Variants in PAM observed in about 807,000 individuals in gnomAD.
PAM encodes peptidyl-glycine alpha-amidating monooxygenase.
In PAM, 72 loss-of-function variants were observed where a neutral mutation model predicts 122.1. The ratio of observed to expected loss-of-function variants is 0.59; its 90% CI spans 0.49 to 0.72. PAM has a LOEUF of 0.72. PAM is among the 30% of genes least tolerant of loss of function. The pLI, the probability that PAM is intolerant of heterozygous loss-of-function variation, is 0.00. For missense variants in PAM, 1,106 were observed against 1,183.7 expected (o/e 0.93, Z 0.96); for synonymous variants, 389 against 404.4 (o/e 0.96, Z 0.46).
intron 3 of PAM, chr5:102,895,792 T>G (rs953833661): frequency 2.6e-5 from 4 of 151,744 alleles, no homozygotes; most frequent in Non-Finnish European, 5.9e-5. Flanking sequence ...TTTGCTGTTC[T>G]GAAGTGTCCA....
intron 1 of PAM, among the ~76,000 whole-genome samples, chr5:102,825,242 T>A (rs1773242096): frequency 6.6e-6 from 1 of 152,236 alleles, no homozygotes; most frequent in Non-Finnish European, 1.5e-5. Context: ...AAAACTTGGA[T>A]AATGGATCTC....
chr5:102,799,395 T>C (rs1764134023), intron 1 of PAM, among the ~76,000 whole-genome samples: 1 of 152,146 alleles, frequency 6.6e-6, no homozygotes, highest in Non-Finnish European at 1.5e-5. Flanking sequence ...GTTAGGGAGA[T>C]ACAAAAAAGG....
At chr5:102,816,301 C>G (rs1337512891) in intron 1 of PAM, among the ~76,000 whole-genome samples, 1 of 152,126 alleles carries the variant, frequency 6.6e-6, no homozygotes, top group Non-Finnish European at 1.5e-5. Flanking sequence ...ACAAAAGCAG[C>G]ATTGGGCTCA....
At chr5:102,855,621 AC>A (rs998565841) in intron 1 of PAM, among the ~76,000 whole-genome samples, 40 of 152,068 alleles carry the variant, frequency 2.6e-4, no homozygotes, top group Non-Finnish European at 1.0e-4. Flanking sequence ...TGTAGTTAAT[AC>A]CTCCTGCCTC....
In PAM at chr5:102,947,023, A is replaced by T. The variant is rs561145345; in HGVS notation, c.575+138A>T. Reference sequence around the variant, plus strand: ...TAAAACAACAAATATGTATTGTCTCATTTTCCTGTATGTCAGTAATTGGGC... The same window carrying T: ...TAAAACAACAAATATGTATTGTCTCTTTTTCCTGTATGTCAGTAATTGGGC... On this transcript the variant is annotated intron_variant, in intron 8 of 25. Coordinates refer to ENST00000438793, the MANE Select transcript of PAM (RefSeq NM_001177306.2). 5.6e-4 allele frequency: 388 copies of T among 692,302 alleles called. 2 individuals are homozygous for T. The highest frequency in any genetic ancestry group is 5.1e-3 in the South Asian group (331 of 64,348). 42.9% of individuals were successfully genotyped at this position (692,302 alleles called of 1,614,324 possible).
Position 103,025,330 on chromosome 5 carries a change from T to G in PAM, c.2685T>G (p.Phe895Leu). 1 of 1,613,176 alleles carries G rather than the reference T, an allele frequency of 6.2e-7. No individual in the cohort carries two copies. The highest frequency in any genetic ancestry group is 8.5e-7 in the Non-Finnish European group (1 of 1,179,256). ...IFIRWKKSRA[F>L]GDSEHKLETS... ...TTCGGTGGAAAAAATCAAGGGCCTTTGGAGGCAAGTAAAATGAGCCCCGTG... is the reference window on the plus strand; with the variant it reads ...TTCGGTGGAAAAAATCAAGGGCCTTGGGAGGCAAGTAAAATGAGCCCCGTG... The change falls in exon 24 of 26, where the codon TTT becomes TTG. Residue 895 changes from phenylalanine (F) to leucine (L), a missense_variant. Around this residue, in one of 3 missense-constraint regions of PAM, gnomAD observed 333 missense variants for 335.6 expected, o/e 0.99. Coordinates refer to ENST00000438793, the MANE Select transcript of PAM (RefSeq NM_001177306.2).
chr5:102,814,568 T>G (rs992276036), intron 1 of PAM, among the ~76,000 whole-genome samples: 1 of 146,102 alleles, frequency 6.8e-6, no homozygotes, highest in African/African-American at 2.5e-5. Flanking sequence ...TATAGATATA[T>G]ACATATATTG....
intron 1 of PAM, among the ~76,000 whole-genome samples, chr5:102,829,443 T>C (rs1774740357): frequency 6.7e-6 from 1 of 149,616 alleles, no homozygotes; most frequent in African/African-American, 2.5e-5. Flanking sequence ...GCGATCTCGG[T>C]TCACTGCAAG....
intron 1 of PAM, among the ~76,000 whole-genome samples, chr5:102,794,440 AT>A (rs1039236932): frequency 6.6e-6 from 1 of 152,138 alleles, no homozygotes; most frequent in Admixed American, 6.5e-5. Flanking sequence ...AGATGAGGAG[AT>A]TTTTTTCATT....
intron 22 of PAM, among the ~76,000 whole-genome samples, chr5:103,019,126 G>A (rs1782851517): frequency 2.1e-5 from 3 of 142,862 alleles, no homozygotes; most frequent in Non-Finnish European, 1.6e-5. Context: ...GAAGATGCAT[G>A]TCAGATTTAC....
At chr5:103,021,625 G>A (rs544596693) in intron 23 of PAM, among the ~76,000 whole-genome samples, 1 of 152,238 alleles carries the variant, frequency 6.6e-6, no homozygotes, top group South Asian at 2.1e-4. Flanking sequence ...GAAATGTCTT[G>A]CCTTGACAGT....
At chr5:102,790,024 A>G (rs980859949) in intron 1 of PAM, among the ~76,000 whole-genome samples, 9 of 152,104 alleles carry the variant, frequency 5.9e-5, no homozygotes, top group Non-Finnish European at 1.2e-4. Context: ...TATTTAAAAA[A>G]TATTTTATTT....
intron 1 of PAM, among the ~76,000 whole-genome samples, chr5:102,821,675 GTACT>G (rs1445757533): frequency 3.9e-5 from 6 of 152,204 alleles, no homozygotes; most frequent in South Asian, 2.1e-4. Flanking sequence ...TATGAAGAAA[GTACT>G]GTTATAATTA....
At chr5:102,976,081 G>A (rs1230966768) in intron 15 of PAM, among the ~76,000 whole-genome samples, 3 of 152,118 alleles carry the variant, frequency 2.0e-5, no homozygotes, top group Admixed American at 2.0e-4. Flanking sequence ...TCTAGTATCT[G>A]TTTAGGGAAA....
intron 7 of PAM, among the ~76,000 whole-genome samples, chr5:102,930,376 A>G (rs1751058161): frequency 6.6e-6 from 1 of 152,116 alleles, no homozygotes. Flanking sequence ...AGTCTGGGAA[A>G]GGCTTTCCAG....
chr5:102,866,210 C>G lies in PAM; in HGVS notation c.15C>G (p.Val5=). 1 of 1,612,992 alleles carries G rather than the reference C, an allele frequency of 6.2e-7. No individual in the cohort carries two copies. Among genetic ancestry groups the G allele is most frequent in the Non-Finnish European group, 8.5e-7 (1 of 1,179,466 alleles). MAGR[V]PSLLVLLVFP... ...TCGGCGTGGACATGGCTGGCCGCGTCCCTAGCCTGCTAGTTCTCCTTGTTT... is the reference window on the plus strand; with the variant it reads ...TCGGCGTGGACATGGCTGGCCGCGTGCCTAGCCTGCTAGTTCTCCTTGTTT... The change falls in exon 2 of 26, where the codon GTC becomes GTG. Residue 5 remains valine, a synonymous_variant. Transcript: ENST00000438793.
chr5:102,889,760 AT>A (rs1794229345), intron 3 of PAM, among the ~76,000 whole-genome samples: 1 of 151,800 alleles, frequency 6.6e-6, no homozygotes, highest in African/African-American at 2.4e-5. Context: ...TAGCCCCCTT[AT>A]TGGGCCTGTC....
At chr5:102,771,044 A>G (rs1380309652) in intron 1 of PAM, among the ~76,000 whole-genome samples, 2 of 152,138 alleles carry the variant, frequency 1.3e-5, no homozygotes, top group Non-Finnish European at 2.9e-5. Context: ...ACAGCATGTT[A>G]TATAATATTT....
intron 3 of PAM, among the ~76,000 whole-genome samples, chr5:102,897,122 C>A (rs1175177621): frequency 6.6e-6 from 1 of 151,596 alleles, no homozygotes; most frequent in African/African-American, 2.4e-5. Context: ...ACTTTCCATA[C>A]GTTTTCCTTG....
Sources: allele counts gnomAD v4.1 joint callset (sites outside exome capture counted in the v4.1 genomes callset), GRCh38; gene constraint gnomAD v4.1.1; regional missense constraint gnomAD v4.1.1; transcripts MANE v1.5; gene names NCBI Gene and HGNC (gene_info 2026-07-23, HGNC 2026-07-21).